Variants in ZNF562 observed in about 807,000 individuals in gnomAD.
ZNF562 encodes zinc finger protein 562.
ZNF562 carries 13 observed loss-of-function variants against 17.5 expected under a neutral mutation model. The observed-to-expected ratio is 0.74, with a 90% confidence interval of 0.48 to 1.18. The LOEUF is 1.18. Among genes scored for constraint, ZNF562 ranks in the 50% most tolerant of loss-of-function variants. The probability of loss-of-function intolerance (pLI) is 0.00; values close to 1 mark genes in which losing one functional copy is unlikely to be tolerated. For synonymous variants in ZNF562, 163 were observed against 165.4 expected (o/e 0.99, Z 0.11); for missense variants, 481 against 498.5 (o/e 0.96, Z 0.33).
At position 9,656,532 on chromosome 19, in the gene ZNF562, C is replaced by T. The variant is rs1322320612; in HGVS notation, c.348+15G>A. ...AAAACAGAAGAAAAAAATAAGTATC[C>T]CTCATGAATCTTACCATTTGTATCC... On this transcript the variant is annotated intron_variant, in intron 5 of 5. Coordinates refer to ENST00000453372, the MANE Select transcript of ZNF562 (RefSeq NM_001130031.2). 3 of 1,610,988 alleles carry T rather than the reference C, an allele frequency of 1.9e-6. No individual in the cohort carries two copies. Among genetic ancestry groups the T allele is most frequent in the Middle Eastern group, 1.9e-4 (1 of 5,200 alleles).
chr19:9,668,594 G>T (rs962434235), intron 1 of ZNF562, among the ~76,000 whole-genome samples: 2 of 151,734 alleles, frequency 1.3e-5, no homozygotes, highest in Admixed American at 6.6e-5. Flanking sequence ...GACATTCATC[G>T]CAAAAATAGA....
intron 2 of ZNF562, among the ~76,000 whole-genome samples, chr19:9,659,858 A>G (rs2043655582): frequency 1.4e-5 from 2 of 141,632 alleles, no homozygotes; most frequent in Admixed American, 1.5e-4. Context: ...TTGGGAGGCC[A>G]AGGTGGGCAA....
In ZNF562 at chr19:9,660,771, C is replaced by T; in HGVS notation, c.-27G>A. On this transcript the variant is annotated 5_prime_UTR_variant, in exon 2 of 6. Transcript: ENST00000453372. ...CTCTGAAGCTGATGGTGAGATGTGC[C>T]TCAATGCTGTCTTTCTTGATGCCAA... 1 of 1,612,854 alleles carries T rather than the reference C, an allele frequency of 6.2e-7. No homozygotes were observed. The highest frequency in any genetic ancestry group is 8.5e-7 in the Non-Finnish European group (1 of 1,179,312).
At position 9,669,726 on chromosome 19, in the gene ZNF562, G is replaced by GCA. The variant is rs1190709144; in HGVS notation, c.-131+5288_-131+5289insTG. ...TGCATGCACGCGCGCGAGCGCGCGCGCGCGCGCGCACACACACACACACAC... is the reference window on the plus strand; with the variant it reads ...TGCATGCACGCGCGCGAGCGCGCGCGCACGCGCGCGCACACACACACACACAC... On this transcript the variant is annotated intron_variant, in intron 1 of 5. Transcript: ENST00000453372. Among the ~76,000 whole-genome samples, 48 of 85,078 alleles carry GCA rather than the reference G, an allele frequency of 5.6e-4. 1 individual carries two copies. In the South Asian group the frequency reaches 6.5e-3, roughly 12 times the overall value. 55.8% of individuals were successfully genotyped at this position (85,078 alleles called of 152,430 possible). A position where few individuals can be genotyped will look rare whatever the true frequency, so the allele number is the denominator to read the frequency against.
chr19:9,653,549 A>G lies in ZNF562; in HGVS notation c.681T>C (p.Ile227=). Residue 227 remains isoleucine (I), a synonymous_variant, in exon 6 of 6, where the codon ATT becomes ATC. Transcript: ENST00000453372. ...CCTGAAATTCACAGAGTTTCTCTCC[A>G]ATGTGGATTCCCATGTGATTATCAA... ...ASLDNHMGIH[I]GEKLCEFQEC... 1 of 1,614,180 alleles carries G rather than the reference A, an allele frequency of 6.2e-7. No individual in the cohort carries two copies. The highest frequency in any genetic ancestry group is 8.5e-7 in the Non-Finnish European group (1 of 1,180,024).
rs542491587 is a variant in ZNF562 at position 9,672,865 on chromosome 19, C to T, written c.-131+2150G>A. ...CGGGATCTCGGCTCAATGCAACCTC[C>T]GCCTCCCGGGTTAAAGTGATTCTCT... On this transcript the variant is annotated intron_variant, in intron 1 of 5. Coordinates refer to ENST00000453372, the MANE Select transcript of ZNF562 (RefSeq NM_001130031.2). Among the ~76,000 whole-genome samples, 842 of 150,672 alleles carry T rather than the reference C, an allele frequency of 5.6e-3. 7 individuals carry two copies. The highest frequency in any genetic ancestry group is 0.019 in the African/African-American group (775 of 40,724).
intron 1 of ZNF562, among the ~76,000 whole-genome samples, chr19:9,665,718 A>C (rs749098750): frequency 6.6e-6 from 1 of 152,194 alleles, no homozygotes; most frequent in Non-Finnish European, 1.5e-5. Context: ...GATTCCATCT[A>C]GTGCTGAAAA....
In ZNF562 at chr19:9,651,070, A is replaced by G. The variant is rs945769529; in HGVS notation, c.*1879T>C. The G allele has an allele frequency of 6.6e-6, 1 of 151,978 alleles. No individual in the cohort carries two copies. Among genetic ancestry groups the G allele is most frequent in the Non-Finnish European group, 1.5e-5 (1 of 68,030 alleles). The allele number at this position is 151,978 out of a possible 1,614,324, so 9.4% of individuals were successfully genotyped here. On this transcript the variant is annotated 3_prime_UTR_variant, in exon 6 of 6. Transcript: ENST00000453372. ...TATTCTCTTATGGTTGTCTGAGCTG[A>G]CTAAGGCAGATATTGGTACTGAGAA... is the stretch of plus-strand genomic sequence containing the variant.
chr19:9,674,279 TGGGTGGAGCAGGTAATCAGAATGAGTCA>T (rs993576960), intron 1 of ZNF562, among the ~76,000 whole-genome samples: 4 of 151,998 alleles, frequency 2.6e-5, no homozygotes, highest in African/African-American at 9.7e-5. Flanking sequence ...GAAATAAGTC[TGGGTGGAGCAGGTAATCAGAATGAGTCA>T]GGGTGGAGCA....
At chr19:9,658,634 G>A (rs2043610832) in intron 3 of ZNF562, among the ~76,000 whole-genome samples, 1 of 152,146 alleles carries the variant, frequency 6.6e-6, no homozygotes. Context: ...ATAGGTGTGA[G>A]ACACCATGCC....
At chr19:9,666,009 T>TAA (rs765492049) in intron 1 of ZNF562, among the ~76,000 whole-genome samples, 11 of 135,492 alleles carry the variant, frequency 8.1e-5, no homozygotes, top group Admixed American at 3.8e-4. Context: ...ACCTAGTCTT[T>TAA]AAAAAAAAAA....
chr19:9,657,890 A>G, intron 4 of ZNF562, 119 bp downstream of exon 4: 1 of 1,317,732 alleles, frequency 7.6e-7, no homozygotes, highest in East Asian at 2.6e-5. Flanking sequence ...GAGGTTTCAC[A>G]ATGTTGCCCA....
chr19:9,661,524 G>A (rs572591154), intron 1 of ZNF562, among the ~76,000 whole-genome samples: 56 of 152,194 alleles, frequency 3.7e-4, no homozygotes, highest in Admixed American at 7.9e-4. Flanking sequence ...GGTCAGGCAC[G>A]GTGGCTCATG....
chr19:9,668,691 C>T (rs2145037071), intron 1 of ZNF562, among the ~76,000 whole-genome samples: 1 of 152,226 alleles, frequency 6.6e-6, no homozygotes, highest in African/African-American at 2.4e-5. Context: ...CTGGAATCAT[C>T]ACACTGCCTT....
intron 1 of ZNF562, among the ~76,000 whole-genome samples, chr19:9,671,265 A>G (rs575931452): frequency 3.9e-5 from 6 of 152,194 alleles, no homozygotes; most frequent in East Asian, 3.9e-4. Flanking sequence ...AATCAAAAAA[A>G]TTTTTCTGGA....
At chr19:9,656,272 G>T (rs1332647812) in intron 5 of ZNF562, among the ~76,000 whole-genome samples, 1 of 152,172 alleles carries the variant, frequency 6.6e-6, no homozygotes, top group African/African-American at 2.4e-5. Flanking sequence ...CACTTTGGGA[G>T]GTCGAGGCAG....
chr19:9,665,916 G>A (rs1347776910), intron 1 of ZNF562, among the ~76,000 whole-genome samples: 1 of 151,800 alleles, frequency 6.6e-6, no homozygotes. Flanking sequence ...GACTGAGGTG[G>A]GAGGATTGCT....
At chr19:9,674,268 C>T (rs1421387652) in intron 1 of ZNF562, among the ~76,000 whole-genome samples, 1 of 151,452 alleles carries the variant, frequency 6.6e-6, no homozygotes, top group African/African-American at 2.4e-5. Flanking sequence ...AGTAAGTAAT[C>T]GAAATAAGTC....
intron 1 of ZNF562, among the ~76,000 whole-genome samples, chr19:9,673,890 C>T (rs1236769870): frequency 1.3e-5 from 2 of 152,036 alleles, no homozygotes; most frequent in African/African-American, 4.8e-5. Context: ...GCCTGGAATC[C>T]CAGCTACTCG....
Sources: allele counts gnomAD v4.1 joint callset (sites outside exome capture counted in the v4.1 genomes callset), GRCh38; gene constraint gnomAD v4.1.1; transcripts MANE v1.5; gene names NCBI Gene and HGNC (gene_info 2026-07-23, HGNC 2026-07-21).